NAV2: variants seen among roughly 807,000 people sequenced by gnomAD.
NAV2 encodes the protein neuron navigator 2, also known as helicase, APC down-regulated 1.
NAV2 carries 54 observed loss-of-function variants against 223.2 expected under a neutral mutation model. That is an observed-to-expected ratio of 0.24 (90% CI 0.19 to 0.30). The LOEUF is 0.30. Ranked by LOEUF, NAV2 falls within the 10% of genes least tolerant of loss-of-function variation. NAV2 has a pLI of 1.00. For synonymous variants in NAV2, 1,279 were observed against 1,239.3 expected, an observed-to-expected ratio of 1.03 and a Z score of -0.67; for missense variants, 2,806 against 3,147.5, an observed-to-expected ratio of 0.89 and a Z score of 2.60.
At chr11:19,629,977 C>A (rs752067007) in intron 1 of NAV2, among the ~76,000 whole-genome samples, 1 of 152,110 alleles carries the variant, frequency 6.6e-6, no homozygotes, top group Non-Finnish European at 1.5e-5. Context: ...AAATTCTGTA[C>A]CCTCTGATTT....
At chr11:19,417,603 C>A (rs777980540) in intron 1 of NAV2, among the ~76,000 whole-genome samples, 6 of 152,096 alleles carry the variant, frequency 3.9e-5, no homozygotes, top group Non-Finnish European at 8.8e-5. Context: ...GGGTATATAC[C>A]CAAAGGATTG....
At chr11:19,893,711 AT>A (rs2041705602) in intron 6 of NAV2, among the ~76,000 whole-genome samples, 1 of 152,206 alleles carries the variant, frequency 6.6e-6, no homozygotes, top group Non-Finnish European at 1.5e-5. Context: ...AACTCTGCAA[AT>A]GGCACTAACG....
rs116436171 is a variant in NAV2, at chr11:19,786,854, G to A, written c.268-45630G>A. 5.8e-3 allele frequency among the ~76,000 whole-genome samples: 887 copies of A among 152,270 alleles called. 9 individuals carry two copies. Among genetic ancestry groups the A allele is most frequent in the African/African-American group, 0.02 (831 of 41,540 alleles). ...AGAACTGTGTGTTAAGGTGGGTGTGGTAGCGTGCACCTGTAGCCTCAGCTA... is the reference window on the plus strand; with the variant it reads ...AGAACTGTGTGTTAAGGTGGGTGTGATAGCGTGCACCTGTAGCCTCAGCTA... On this transcript the variant is annotated intron_variant, in intron 1 of 37. Transcript: ENST00000349880.
chr11:19,408,687 C>T lies in NAV2; in HGVS notation c.75+57660C>T, dbSNP rs1209423138. 3.9e-5 allele frequency among the ~76,000 whole-genome samples: 6 copies of T among 152,302 alleles called. No individual in the cohort carries two copies. In the East Asian group the frequency reaches 1.2e-3, roughly 29 times the overall value. ...TGAATTGTCTGTTGAATTATTATCC[C>T]TATTTTACAGATGAGAAAACTGAGG... is the stretch of plus-strand genomic sequence containing the variant. On this transcript the variant is annotated intron_variant, in intron 1 of 37. Transcript: ENST00000360655.
At chr11:20,016,326 T>G (rs138578197) in intron 11 of NAV2, among the ~76,000 whole-genome samples, 1 of 152,288 alleles carries the variant, frequency 6.6e-6, no homozygotes, top group Non-Finnish European at 1.5e-5. Context: ...TCTTTAAGGT[T>G]TTGTTAACAA....
At chr11:19,937,351 TC>T (rs34457152) in intron 7 of NAV2, among the ~76,000 whole-genome samples, 3 of 145,524 alleles carry the variant, frequency 2.1e-5, no homozygotes, top group African/African-American at 2.6e-5. Context: ...TTATAATTGC[TC>T]CCCCCCCGCC....
At chr11:19,531,352 C>G (rs1448023876) in intron 1 of NAV2, among the ~76,000 whole-genome samples, 2 of 152,200 alleles carry the variant, frequency 1.3e-5, no homozygotes, top group African/African-American at 4.8e-5. Flanking sequence ...CAGGCTCACT[C>G]TGGCTGCTGC....
rs146261024 is a variant in NAV2, at chr11:19,729,418, G to A, written c.267+15456G>A. On this transcript the variant is annotated intron_variant, in intron 1 of 37. Transcript: ENST00000349880. ...CCAGGTTGGGTAGGCATCACACTGGGAATGTCAGCCACTAGGAAGGGTTTA... is the reference window on the plus strand; with the variant it reads ...CCAGGTTGGGTAGGCATCACACTGGAAATGTCAGCCACTAGGAAGGGTTTA... Among the ~76,000 whole-genome samples, 947 of 152,302 alleles carry A rather than the reference G, an allele frequency of 6.2e-3. 5 individuals are homozygous for A. Among genetic ancestry groups the A allele is most frequent in the Non-Finnish European group, 9.4e-3 (638 of 68,030 alleles).
rs565461874 is a variant in NAV2 at position 20,019,640 on chromosome 11, G to C, written c.2769-16319G>C. Among the ~76,000 whole-genome samples the C allele has an allele frequency of 2.6e-5, 4 of 152,160 alleles. No individual in the cohort carries two copies. The South Asian group carries it at 8.3e-4, about 32-fold the overall frequency. ...AGAGAAGAGGAGGGGTCCAGGGATG[G>C]AGGCCCTGGAGTTCTGGAGAGGTGA... is the stretch of plus-strand genomic sequence containing the variant. On this transcript the variant is annotated intron_variant, in intron 11 of 37. Transcript: ENST00000349880.
intron 1 of NAV2, among the ~76,000 whole-genome samples, chr11:19,462,854 C>T (rs1370600026): frequency 6.6e-6 from 1 of 152,186 alleles, no homozygotes; most frequent in African/African-American, 2.4e-5. Flanking sequence ...TCAGAAAGAT[C>T]CTGAAGCCAA....
At chr11:19,552,299 A>T (rs1002717261) in intron 1 of NAV2, among the ~76,000 whole-genome samples, 9 of 152,130 alleles carry the variant, frequency 5.9e-5, no homozygotes, top group Non-Finnish European at 1.2e-4. Flanking sequence ...ACCAGAGGGG[A>T]GGCGTGTGAG....
chr11:19,430,337 C>T (rs1850995409), intron 1 of NAV2, among the ~76,000 whole-genome samples: 1 of 152,234 alleles, frequency 6.6e-6, no homozygotes, highest in Non-Finnish European at 1.5e-5. Context: ...CATGTGGTCT[C>T]TGCCCCTAAA....
intron 11 of NAV2, among the ~76,000 whole-genome samples, chr11:19,993,384 C>G (rs763445669): frequency 3.3e-5 from 5 of 152,198 alleles, no homozygotes; most frequent in Non-Finnish European, 7.3e-5. Flanking sequence ...AAGCTTCTGT[C>G]TGGAAATGAC....
intron 26 of NAV2, among the ~76,000 whole-genome samples, chr11:20,087,289 T>C (rs1290956289): frequency 6.6e-6 from 1 of 152,092 alleles, no homozygotes. Context: ...AGGAATCGGG[T>C]GGGGTTGGCT....
intron 1 of NAV2, among the ~76,000 whole-genome samples, chr11:19,620,983 T>A (rs539685619): frequency 1.8e-3 from 271 of 152,308 alleles, no homozygotes; most frequent in African/African-American, 6.2e-3. Context: ...GTTGTTGAAT[T>A]TTGTTGAAGG....
chr11:19,648,764 C>A (rs1352035220), intron 1 of NAV2, among the ~76,000 whole-genome samples: 1 of 152,014 alleles, frequency 6.6e-6, no homozygotes, highest in Non-Finnish European at 1.5e-5. Flanking sequence ...AAAATTATAC[C>A]CTGGCAGTAA....
intron 1 of NAV2, among the ~76,000 whole-genome samples, chr11:19,512,855 T>G (rs1423093381): frequency 6.6e-6 from 1 of 152,182 alleles, no homozygotes; most frequent in Non-Finnish European, 1.5e-5. Context: ...TAACTGAATA[T>G]TTGTGCTGTG....
intron 6 of NAV2, among the ~76,000 whole-genome samples, chr11:19,927,829 G>A (rs2044925400): frequency 6.6e-6 from 1 of 152,180 alleles, no homozygotes; most frequent in Non-Finnish European, 1.5e-5. Flanking sequence ...AGTTTAACAT[G>A]TGGAGAAGTG....
chr11:20,006,410 C>T (rs1168935614), intron 11 of NAV2, among the ~76,000 whole-genome samples: 1 of 152,182 alleles, frequency 6.6e-6, no homozygotes, highest in East Asian at 1.9e-4. Flanking sequence ...AATGCAGTGG[C>T]TCACACATGT....
Sources: gnomAD v4.1 joint callset for allele counts (sites outside exome capture counted in the v4.1 genomes callset) on GRCh38, gnomAD v4.1.1 for gene constraint, MANE v1.5 for transcripts, NCBI Gene and HGNC (gene_info 2026-07-23, HGNC 2026-07-21) for gene names.